Variants in UHRF2 observed in about 807,000 individuals in gnomAD.
The protein encoded by UHRF2 is E3 ubiquitin-protein ligase UHRF2.
UHRF2 carries 23 observed loss-of-function variants against 96.8 expected under a neutral mutation model. The ratio of observed to expected loss-of-function variants is 0.24; its 90% confidence interval spans 0.17 to 0.34. UHRF2 has a LOEUF of 0.34. Ranked by LOEUF, UHRF2 falls within the 10% of genes least tolerant of loss-of-function variation. UHRF2 has a pLI of 1.00. For synonymous variants in UHRF2, 385 were observed against 332.6 expected (o/e 1.16, Z -1.72); for missense variants, 685 against 981.5 (o/e 0.70, Z 4.04).
intron 9 of UHRF2, among the ~76,000 whole-genome samples, chr9:6,493,504 A>G (rs1406756879): frequency 2.0e-5 from 3 of 152,198 alleles, no homozygotes; most frequent in Non-Finnish European, 4.4e-5. Context: ...ATTGAATTGA[A>G]TAAAATATAA....
intron 3 of UHRF2, among the ~76,000 whole-genome samples, chr9:6,437,433 G>A (rs1013382896): frequency 6.6e-5 from 10 of 151,870 alleles, no homozygotes; most frequent in Admixed American, 2.0e-4. Flanking sequence ...GGGTTTCACC[G>A]TGTTGGTCAG....
In UHRF2 at chr9:6,416,209, G is replaced by T. The variant is rs181205050; in HGVS notation, c.153+2566G>T. On this transcript the variant is annotated intron_variant, in intron 1 of 15. Transcript: ENST00000276893. ...CTCCCAAGTAGCTGGGACTACAGGCGTGCGCCACCACTCCCGGCAAATTTT... is the reference window on the plus strand; with the variant it reads ...CTCCCAAGTAGCTGGGACTACAGGCTTGCGCCACCACTCCCGGCAAATTTT... Among the ~76,000 whole-genome samples the T allele has an allele frequency of 1.5e-4, 23 of 152,112 alleles. No homozygotes were observed. The East Asian group carries it at 2.7e-3, about 18-fold the overall frequency.
At chr9:6,433,838 T>C in intron 2 of UHRF2, 76 bp from the exon 3 acceptor site, 3 of 1,476,572 alleles carry the variant, frequency 2.0e-6, no homozygotes, top group African/African-American at 1.4e-5. Context: ...AACCCACAAA[T>C]AACTTGAGTT....
At chr9:6,503,529 A>G (rs1420374232) in intron 14 of UHRF2, among the ~76,000 whole-genome samples, 2 of 152,184 alleles carry the variant, frequency 1.3e-5, no homozygotes, top group African/African-American at 4.8e-5. Context: ...CCTACTGTAA[A>G]TAAACATTAG....
intron 3 of UHRF2, among the ~76,000 whole-genome samples, chr9:6,442,671 G>T (rs960848893): frequency 2.7e-4 from 41 of 150,744 alleles, no homozygotes; most frequent in African/African-American, 9.3e-4. Flanking sequence ...TTTTTTGGGG[G>T]GGTAGAGATG....
intron 4 of UHRF2, among the ~76,000 whole-genome samples, chr9:6,466,203 C>G (rs1036069484): frequency 6.6e-6 from 1 of 152,102 alleles, no homozygotes; most frequent in African/African-American, 2.4e-5. Flanking sequence ...GAGTTCGAGA[C>G]CAGCCTGGCC....
chr9:6,463,589 GCCA>G (rs1356976553), intron 4 of UHRF2, among the ~76,000 whole-genome samples: 1 of 151,788 alleles, frequency 6.6e-6, no homozygotes, highest in Non-Finnish European at 1.5e-5. Flanking sequence ...TCCTGCCGCA[GCCA>G]CCGGAGTAGC....
At chr9:6,468,653 T>A (rs913158511) in intron 4 of UHRF2, 1 of 455,958 alleles carries the variant, frequency 2.2e-6, no homozygotes, top group African/African-American at 2.0e-5. Context: ...TGCTTTCACC[T>A]TTGGGCTTTG....
At chr9:6,423,738 G>A (rs10815433) in intron 2 of UHRF2, among the ~76,000 whole-genome samples, 65,689 of 151,298 alleles carry the variant, frequency 0.43, 16,088 homozygotes, top group South Asian at 0.56. Flanking sequence ...GAGGTCAGGA[G>A]TTCAAGACCA....
chr9:6,487,189 T>A (rs1185048957), intron 9 of UHRF2, among the ~76,000 whole-genome samples: 2 of 126,902 alleles, frequency 1.6e-5, no homozygotes, highest in African/African-American at 6.3e-5. Context: ...TTCCTTTTTT[T>A]TTTTTTTTTT....
intron 8 of UHRF2, among the ~76,000 whole-genome samples, chr9:6,484,837 A>G (rs1824171302): frequency 9.1e-6 from 1 of 109,704 alleles, no homozygotes; most frequent in South Asian, 2.9e-4. Context: ...GTTGTTGCCC[A>G]GGCTGGAGTG....
At chr9:6,502,145 A>T (rs1254084995) in intron 14 of UHRF2, among the ~76,000 whole-genome samples, 1 of 152,234 alleles carries the variant, frequency 6.6e-6, no homozygotes, top group East Asian at 1.9e-4. Flanking sequence ...CTTTAAATAA[A>T]TACATATGTG....
intron 3 of UHRF2, among the ~76,000 whole-genome samples, chr9:6,444,689 C>G (rs1418010266): frequency 6.6e-6 from 1 of 152,148 alleles, no homozygotes; most frequent in East Asian, 1.9e-4. Flanking sequence ...GCAACCTCCC[C>G]CTCCAGGGTT....
intron 3 of UHRF2, among the ~76,000 whole-genome samples, chr9:6,448,492 T>A (rs1821656965): frequency 6.6e-6 from 1 of 152,248 alleles, no homozygotes. Context: ...CTGTTTTTAT[T>A]ACCGTCCAAA....
rs528949396 is a variant in UHRF2, at chr9:6,468,680, C to G, written c.864-6711C>G. 14 of 456,054 alleles carry G rather than the reference C, an allele frequency of 3.1e-5. 1 individual carries two copies. Among genetic ancestry groups the G allele is most frequent in the South Asian group, 2.0e-4 (13 of 64,568 alleles). 28.3% of individuals were successfully genotyped at this position (456,054 alleles called of 1,614,324 possible). ...TGGGCTTTGGTTGAATACTGGACTTCTGCTGGACAAGAGGCTGGAAATGTA... is the reference window on the plus strand; with the variant it reads ...TGGGCTTTGGTTGAATACTGGACTTGTGCTGGACAAGAGGCTGGAAATGTA... On this transcript the variant is annotated intron_variant, in intron 4 of 15. Transcript: ENST00000276893.
chr9:6,501,264 A>C (rs887063262), intron 14 of UHRF2, among the ~76,000 whole-genome samples: 3 of 152,216 alleles, frequency 2.0e-5, no homozygotes, highest in Non-Finnish European at 4.4e-5. Context: ...AGCCCTTCTT[A>C]TCAAATCCCT....
At chr9:6,422,660 A>G (rs536614572) in intron 2 of UHRF2, 8 of 651,734 alleles carry the variant, frequency 1.2e-5, no homozygotes, top group African/African-American at 9.1e-5. Flanking sequence ...CCCAGGCTGT[A>G]GTGCAGTGAC....
At chr9:6,425,382 C>T (rs1243199376) in intron 2 of UHRF2, among the ~76,000 whole-genome samples, 1 of 152,142 alleles carries the variant, frequency 6.6e-6, no homozygotes, top group Non-Finnish European at 1.5e-5. Context: ...CTACAACATG[C>T]TTCAGGTACA....
At chr9:6,422,150 C>G (rs577819387) in intron 2 of UHRF2, among the ~76,000 whole-genome samples, 12 of 152,320 alleles carry the variant, frequency 7.9e-5, no homozygotes, top group African/African-American at 2.6e-4. Flanking sequence ...AACTACTATA[C>G]TTGGTTCCAT....
Sources: gnomAD v4.1 joint callset for allele counts (sites outside exome capture counted in the v4.1 genomes callset) on GRCh38, gnomAD v4.1.1 for gene constraint, MANE v1.5 for transcripts, NCBI Gene and HGNC (gene_info 2026-07-23, HGNC 2026-07-21) for gene names.